Variants in KYNU observed in about 807,000 individuals in gnomAD.
The protein encoded by KYNU is L-kynurenine hydrolase.
Under a neutral mutation model 59.2 loss-of-function variants are expected in KYNU, and 54 were observed. That is an observed-to-expected ratio of 0.91 (90% CI 0.73 to 1.14). KYNU has a LOEUF of 1.14. KYNU is among the 50% of genes most tolerant of loss of function. The probability of loss-of-function intolerance (pLI) is 0.00; values close to 1 mark genes in which losing one functional copy is unlikely to be tolerated. For synonymous variants in KYNU, 177 were observed against 192.0 expected (o/e 0.92, Z 0.65); for missense variants, 567 against 554.4 (o/e 1.02, Z -0.23).
intron 10 of KYNU, among the ~76,000 whole-genome samples, chr2:142,995,095 G>T (rs1685504194): frequency 6.6e-6 from 1 of 151,880 alleles, no homozygotes; most frequent in Non-Finnish European, 1.5e-5. Context: ...TAACTCAAAG[G>T]ATTATTTTAC....
At chr2:143,004,633 G>A (rs1212914919) in intron 10 of KYNU, among the ~76,000 whole-genome samples, 5 of 152,092 alleles carry the variant, frequency 3.3e-5, no homozygotes, top group Non-Finnish European at 5.9e-5. Flanking sequence ...CCAGGGAGGC[G>A]GAGGTTGCAG....
At chr2:142,996,210 C>T (rs1376787943) in intron 10 of KYNU, among the ~76,000 whole-genome samples, 2 of 151,818 alleles carry the variant, frequency 1.3e-5, no homozygotes, top group Non-Finnish European at 2.9e-5. Flanking sequence ...CATCCAAATT[C>T]GATTGACTGG....
chr2:142,963,379 A>G (rs1464632709), intron 8 of KYNU, among the ~76,000 whole-genome samples: 1 of 152,196 alleles, frequency 6.6e-6, no homozygotes, highest in African/African-American at 2.4e-5. Context: ...TAAAAACAAC[A>G]TAAATATATT....
chr2:142,877,835 T>C (rs1681148475), intron 1 of KYNU, 99 bp downstream of exon 1: 1 of 152,292 alleles, frequency 6.6e-6, no homozygotes, highest in South Asian at 2.1e-4. Flanking sequence ...TCATAGTGTT[T>C]TAGAGGTTTT....
At chr2:143,015,675 A>G (rs1686227669) in intron 10 of KYNU, among the ~76,000 whole-genome samples, 1 of 151,722 alleles carries the variant, frequency 6.6e-6, no homozygotes, top group Non-Finnish European at 1.5e-5. Flanking sequence ...GTTTATGGAG[A>G]TGAAGTTCTG....
At chr2:142,970,208 C>A (rs528175475) in intron 8 of KYNU, among the ~76,000 whole-genome samples, 19 of 152,094 alleles carry the variant, frequency 1.2e-4, no homozygotes, top group African/African-American at 4.6e-4. Context: ...AAAGGTTAGT[C>A]GATTTGAAGA....
intron 10 of KYNU, among the ~76,000 whole-genome samples, chr2:143,005,369 G>T (rs1184242271): frequency 6.6e-6 from 1 of 152,114 alleles, no homozygotes; most frequent in African/African-American, 2.4e-5. Flanking sequence ...TCCATGTTAG[G>T]ACCTAGGCAT....
intron 8 of KYNU, among the ~76,000 whole-genome samples, chr2:142,979,521 A>G (rs552263553): frequency 6.6e-6 from 1 of 152,288 alleles, no homozygotes; most frequent in Admixed American, 6.5e-5. Context: ...TCTGGTGATC[A>G]AAATCTGAGC....
At chr2:142,918,831 G>T in intron 3 of KYNU, 102 bp downstream of exon 3, 3 of 1,306,656 alleles carry the variant, frequency 2.3e-6, no homozygotes, top group Non-Finnish European at 3.3e-6. Context: ...TAGAATCCTA[G>T]TACAGTCATC....
At chr2:142,924,551 T>C (rs1682991822) in intron 3 of KYNU, among the ~76,000 whole-genome samples, 1 of 152,230 alleles carries the variant, frequency 6.6e-6, no homozygotes. Context: ...GTGGGATGGT[T>C]ACAGCATGGT....
rs1307055614 is a variant in KYNU, at chr2:143,049,170, C to A, written c.*6998C>A. On this transcript the variant is annotated 3_prime_UTR_variant, in exon 14 of 14. Transcript: ENST00000264170. ...ACTCTCTCCTTTATGCCTTTAACTT[C>A]ATATTTTCTATTTCTTTGAATTTCT... 1 of 152,112 alleles carries A rather than the reference C, an allele frequency of 6.6e-6. No individual in the cohort carries two copies. Among genetic ancestry groups the A allele is most frequent in the Non-Finnish European group, 1.5e-5 (1 of 68,020 alleles). 9.4% of individuals were successfully genotyped at this position (152,112 alleles called of 1,614,324 possible). A position where few individuals can be genotyped will look rare whatever the true frequency, so the allele number is the denominator to read the frequency against.
intron 2 of KYNU, among the ~76,000 whole-genome samples, chr2:142,911,316 T>A (rs1042608079): frequency 2.0e-5 from 3 of 152,140 alleles, no homozygotes; most frequent in Non-Finnish European, 2.9e-5. Context: ...TTACTGTTTT[T>A]TCGCTGTTGC....
rs1448690377 is a variant in KYNU at position 142,969,487 on chromosome 2, A to AAG, written c.729+8717_729+8718insAG. The stretch of plus-strand genomic sequence containing the variant: ...ATCCATGCAGGTGGAAGCCTAAAAT[A>AAG]TGTCAAATAAGTCAAAATATGTTGG... On this transcript the variant is annotated intron_variant, in intron 8 of 13. Coordinates refer to ENST00000264170, the MANE Select transcript of KYNU (RefSeq NM_003937.3). 7.7e-3 allele frequency among the ~76,000 whole-genome samples: 1,169 copies of AAG among 152,364 alleles called. 8 individuals are homozygous for AAG. Among genetic ancestry groups the AAG allele is most frequent in the African/African-American group, 0.027 (1,123 of 41,586 alleles).
At chr2:142,956,359 C>T in intron 6 of KYNU, 85 bp downstream of exon 6, 1 of 810,888 alleles carries the variant, frequency 1.2e-6, no homozygotes, top group East Asian at 2.5e-5. Context: ...TGTTTACTCA[C>T]TAGGCTTTTC....
At chr2:142,947,544 A>G (rs1284703108) in intron 4 of KYNU, 1 of 188,106 alleles carries the variant, frequency 5.3e-6, no homozygotes, top group Admixed American at 5.5e-5. Context: ...AAACTTTGGA[A>G]TGCAAAAACA....
At chr2:143,006,750 T>TGACCCCC (rs1685917987) in intron 10 of KYNU, among the ~76,000 whole-genome samples, 1 of 151,308 alleles carries the variant, frequency 6.6e-6, no homozygotes, top group Admixed American at 6.6e-5. Context: ...TCCTGACCCC[T>TGACCCCC]GACCCCCGAG....
chr2:142,917,211 C>T (rs1319410079), intron 2 of KYNU, among the ~76,000 whole-genome samples: 1 of 152,170 alleles, frequency 6.6e-6, no homozygotes. Flanking sequence ...CCCTCTCCCA[C>T]TTCATAAGCA....
intron 3 of KYNU, among the ~76,000 whole-genome samples, chr2:142,921,452 T>C (rs1371410334): frequency 6.6e-6 from 1 of 152,190 alleles, no homozygotes; most frequent in African/African-American, 2.4e-5. Flanking sequence ...GGCTCATGGC[T>C]GTATTCCCAG....
At chr2:142,977,388 A>ATAT (rs1558955483) in intron 8 of KYNU, among the ~76,000 whole-genome samples, 1 of 82,338 alleles carries the variant, frequency 1.2e-5, no homozygotes, top group South Asian at 4.8e-4. Flanking sequence ...TATATATATG[A>ATAT]ATAATCATAT....
Sources: allele counts gnomAD v4.1 joint callset (sites outside exome capture counted in the v4.1 genomes callset), GRCh38; gene constraint gnomAD v4.1.1; transcripts MANE v1.5; gene names NCBI Gene and HGNC (gene_info 2026-07-23, HGNC 2026-07-21).